CES4A: variants seen among roughly 807,000 people sequenced by gnomAD.
CES4A encodes the protein carboxylesterase 6.
Under a neutral mutation model 65.4 loss-of-function variants are expected in CES4A, and 48 were observed. The observed-to-expected ratio is 0.73, with a 90% CI of 0.58 to 0.93. The LOEUF (loss-of-function observed/expected upper bound fraction) is 0.93, where lower values mean the gene tolerates loss of function less well. CES4A is among the 40% of genes least tolerant of loss of function. The pLI is 0.00. For synonymous variants in CES4A, 247 were observed against 281.8 expected (o/e 0.88, Z 1.24); for missense variants, 685 against 728.5 (o/e 0.94, Z 0.69).
Position 67,003,041 on chromosome 16 carries a change from C to CA in CES4A, c.691-28dup. ...CCCAGGTGTCTCTACTTGGGCATCT[C>CA]ACGGGTGTATTCCTCCCTGTTCTTG... is the stretch of plus-strand genomic sequence containing the variant. On this transcript the variant is annotated intron_variant, in intron 5 of 13. Coordinates refer to ENST00000648724, the Ensembl canonical transcript of CES4A. This position sits in a 1 kb window ranked among gnomAD's most constrained non-coding sequence, Gnocchi z 4.2. The CA allele has an allele frequency of 6.3e-7, 1 of 1,586,266 alleles. No homozygotes were observed. The highest frequency in any genetic ancestry group is 8.7e-7 in the Non-Finnish European group (1 of 1,154,708).
At position 67,000,996 on chromosome 16, in the gene CES4A, G is replaced by A. The variant is rs544371690; in HGVS notation, c.536+6G>A. On this transcript the variant is annotated splice_donor_region_variant and intron_variant, in intron 4 of 13. Coordinates refer to ENST00000648724, the Ensembl canonical transcript of CES4A. The surrounding 1 kb of genome is among the most constrained non-coding windows in gnomAD (Gnocchi z 4.2). ...GGCATCTTCGGCTTCCTGAGGTGGC[G>A]GGGCCGGTACCCTTTGGGACCGCAG... 1 of 1,612,334 alleles carries A rather than the reference G, an allele frequency of 6.2e-7. No individual in the cohort carries two copies. The highest frequency in any genetic ancestry group is 1.1e-5 in the South Asian group (1 of 90,964).
At position 67,000,052 on chromosome 16, in the gene CES4A, T is replaced by G. The variant is rs561860963; in HGVS notation, c.261-586T>G. Among the ~76,000 whole-genome samples, 2 of 152,312 alleles carry G rather than the reference T, an allele frequency of 1.3e-5. No individual in the cohort carries two copies. Among genetic ancestry groups the G allele is most frequent in the East Asian group, 1.9e-4 (1 of 5,174 alleles). On this transcript the variant is annotated intron_variant, in intron 2 of 13. Coordinates refer to ENST00000648724, the Ensembl canonical transcript of CES4A. This position sits in a 1 kb window ranked among gnomAD's most constrained non-coding sequence, Gnocchi z 4.2. ...CCTGGGTACTCCGCGTATCTTAACT[T>G]TATCCTGAGGGCAGTGGAGAGCCAG...
chr16:66,997,225 A>C (rs763713398), intron 2 of CES4A, among the ~76,000 whole-genome samples: 5 of 152,240 alleles, frequency 3.3e-5, no homozygotes, highest in Admixed American at 1.3e-4. Flanking sequence ...AGGTGACAGA[A>C]CATGGGATGG....
chr16:66,999,087 G>A (rs1780656659), intron 2 of CES4A, among the ~76,000 whole-genome samples: 1 of 152,218 alleles, frequency 6.6e-6, no homozygotes, highest in Admixed American at 6.5e-5. Context: ...GAGGTGCTAG[G>A]TGTGGTTTAC....
chr16:67,001,156 T>A lies in CES4A; in HGVS notation c.537-152T>A. 7.4e-7 allele frequency: 1 copy of A among 1,354,884 alleles called. No homozygotes were observed. Among genetic ancestry groups the A allele is most frequent in the South Asian group, 1.4e-5 (1 of 69,646 alleles). 83.9% of individuals were successfully genotyped at this position (1,354,884 alleles called of 1,614,324 possible). On this transcript the variant is annotated intron_variant, in intron 4 of 13. Coordinates refer to ENST00000648724, the Ensembl canonical transcript of CES4A. This position sits in a 1 kb window ranked among gnomAD's most constrained non-coding sequence, Gnocchi z 4.1. ...GGGCGGGCGCTCCATACCATCTGGA[T>A]GGGGCGAGCTAACTCCAAGGAAGGG...
At chr16:67,004,815 G>T in exon 10 of CES4A, 1 of 1,536,062 alleles carries the variant, frequency 6.5e-7, no homozygotes. Flanking sequence ...CCGCTAAACC[G>T]GCAGGCGATG....
intron 12 of CES4A, 40 bp downstream of exon 12, chr16:67,006,559 T>G (rs183041170): frequency 9.5e-5 from 148 of 1,549,784 alleles, no homozygotes; most frequent in Non-Finnish European, 9.1e-5. Context: ...GGGTGTCCAG[T>G]CTCCCACCTC....
intron 1 of CES4A, among the ~76,000 whole-genome samples, chr16:66,994,903 C>T (rs1260867312): frequency 6.6e-6 from 1 of 151,144 alleles, no homozygotes; most frequent in Non-Finnish European, 1.5e-5. Flanking sequence ...ACTCAGGAGG[C>T]TGGAGCAGGA....
chr16:66,988,636 C>T (rs1964138963), exon 1 of CES4A: 1 of 1,492,524 alleles, frequency 6.7e-7, no homozygotes. Flanking sequence ...ATTCCTCCCG[C>T]CCCAGTACTT....
exon 14 of CES4A, chr16:67,009,074 G>A: frequency 6.2e-7 from 1 of 1,614,194 alleles, no homozygotes; most frequent in Non-Finnish European, 8.5e-7. Flanking sequence ...GAAGCTCAAG[G>A]AGAAGAAGAT....
At chr16:66,997,607 G>C (rs1468451517) in intron 2 of CES4A, among the ~76,000 whole-genome samples, 1 of 152,150 alleles carries the variant, frequency 6.6e-6, no homozygotes, top group Non-Finnish European at 1.5e-5. Context: ...GGCCACAGTA[G>C]ACAAGGAAAT....
Position 67,001,190 on chromosome 16 carries a change from C to A in CES4A, c.537-118C>A. 7.2e-7 allele frequency: 1 copy of A among 1,383,496 alleles called. No individual in the cohort carries two copies. Among genetic ancestry groups the A allele is most frequent in the South Asian group, 1.4e-5 (1 of 69,968 alleles). The allele number at this position is 1,383,496 out of a possible 1,614,324, so 85.7% of individuals were successfully genotyped here. ...CTAACTCCAAGGAAGGGGGTGTGGTCGCAGGACTGGGTCTTAGAGGGGCAA... is the reference window on the plus strand; with the variant it reads ...CTAACTCCAAGGAAGGGGGTGTGGTAGCAGGACTGGGTCTTAGAGGGGCAA... On this transcript the variant is annotated intron_variant, in intron 4 of 13. Transcript: ENST00000648724. This position sits in a 1 kb window ranked among gnomAD's most constrained non-coding sequence, Gnocchi z 4.1.
exon 2 of CES4A, chr16:66,995,721 T>C (rs749827189): frequency 6.2e-7 from 1 of 1,614,116 alleles, no homozygotes; most frequent in Non-Finnish European, 8.5e-7. Flanking sequence ...ATCCAAGTCT[T>C]TTTAGGAGTC....
At chr16:67,006,549 G>C in intron 12 of CES4A, 30 bp downstream of exon 12, 1 of 1,544,956 alleles carries the variant, frequency 6.5e-7, no homozygotes, top group South Asian at 1.2e-5. Flanking sequence ...TACCCCAACT[G>C]GGTGTCCAGT....
intron 1 of CES4A, among the ~76,000 whole-genome samples, chr16:66,992,156 C>G (rs1405302629): frequency 6.6e-6 from 1 of 152,252 alleles, no homozygotes; most frequent in Non-Finnish European, 1.5e-5. Flanking sequence ...CGGCCCCCCT[C>G]TGGGTCTTTG....
exon 9 of CES4A, chr16:67,004,130 A>G: frequency 6.2e-7 from 1 of 1,614,150 alleles, no homozygotes; most frequent in South Asian, 1.1e-5. Flanking sequence ...GTGATCCCAG[A>G]TGACCCTTTG....
Position 66,988,850 on chromosome 16 carries a change from C to T in CES4A, c.58+20C>T. 6.4e-7 allele frequency: 1 copy of T among 1,554,598 alleles called. No individual in the cohort carries two copies. The highest frequency in any genetic ancestry group is 8.7e-7 in the Non-Finnish European group (1 of 1,148,716). ...CCTTGGGTAAGACCCCCACCCCTTC[C>T]CGAGAGTGTCAGGCAAGACGGGCAC... On this transcript the variant is annotated intron_variant, in intron 1 of 13. Coordinates refer to ENST00000648724, the Ensembl canonical transcript of CES4A.
intron 13 of CES4A, chr16:67,007,150 C>T (rs1965831239): frequency 3.3e-6 from 1 of 302,218 alleles, no homozygotes; most frequent in Non-Finnish European, 6.1e-6. Context: ...CAGCTCACCA[C>T]ATAAAATCAG....
In CES4A at chr16:66,988,697, G is replaced by T. The variant is rs116147581; in HGVS notation, c.-76G>T. ...AAGTGTGCTCACACACTGTAGACAC[G>T]GCTACCATGCCATCCACAGTGTTGC... On this transcript the variant is annotated 5_prime_UTR_variant, in exon 1 of 14. Transcript: ENST00000648724. 1.1e-5 allele frequency: 17 copies of T among 1,549,230 alleles called. No individual in the cohort carries two copies. The South Asian group carries it at 2.0e-4, about 18-fold the overall frequency.
Sources: allele counts gnomAD v4.1 joint callset (sites outside exome capture counted in the v4.1 genomes callset), GRCh38; gene constraint gnomAD v4.1.1; non-coding constraint Gnocchi (gnomAD v3.1); transcripts MANE v1.5; gene names NCBI Gene and HGNC (gene_info 2026-07-23, HGNC 2026-07-21).